Variants in PHF24 observed in about 807,000 individuals in gnomAD.
PHF24 encodes PHD finger protein 24, also known as Galpha inhibitory interacting protein.
A neutral mutation model predicts 42.6 loss-of-function variants in PHF24; 25 were observed. The observed-to-expected ratio is 0.59, with a 90% CI of 0.43 to 0.82. The LOEUF is 0.82. Ranked by LOEUF, PHF24 falls within the 40% of genes least tolerant of loss-of-function variation. PHF24 has a pLI of 0.00. For missense variants in PHF24, 470 were observed against 538.1 expected, an observed-to-expected ratio of 0.87 and a Z score of 1.25; for synonymous variants, 185 against 204.8, an observed-to-expected ratio of 0.90 and a Z score of 0.83.
chr9:34,792,679 A>G, the PHF24 span, among the ~76,000 whole-genome samples: 1 of 35,448 alleles, frequency 2.8e-5, no homozygotes, highest in Non-Finnish European at 1.0e-4. Flanking sequence ...CATCTCAGGA[A>G]AAAAAAAAAA....
chr9:34,715,660 C>G, the PHF24 span, among the ~76,000 whole-genome samples: 6 of 152,324 alleles, frequency 3.9e-5, no homozygotes, highest in African/African-American at 1.2e-4. Context: ...GAGTGCTTCA[C>G]TGGTACCTGG....
chr9:34,933,144 C>T, the PHF24 span, among the ~76,000 whole-genome samples: 1 of 152,048 alleles, frequency 6.6e-6, no homozygotes, highest in African/African-American at 2.4e-5. Context: ...TTTATATTCA[C>T]CACTATTTCC....
chr9:34,857,623 C>T, the PHF24 span, among the ~76,000 whole-genome samples: 807 of 152,244 alleles, frequency 5.3e-3, 1 homozygote, highest in Non-Finnish European at 7.4e-3. Flanking sequence ...GGGGTTGAGC[C>T]GCCTGCCTAG....
At chr9:34,847,445 G>A in the PHF24 span, among the ~76,000 whole-genome samples, 1 of 151,984 alleles carries the variant, frequency 6.6e-6, no homozygotes, top group Non-Finnish European at 1.5e-5. Context: ...TTTGTACATT[G>A]ATTTTGTATC....
chr9:34,726,393 G>A, the PHF24 span: 1 of 1,548,244 alleles, frequency 6.5e-7, no homozygotes, highest in East Asian at 2.4e-5. Context: ...AATGGCAGGT[G>A]GGCAGGGAGG....
the PHF24 span, among the ~76,000 whole-genome samples, chr9:34,840,873 ATATATAAG>A: frequency 1.3e-5 from 2 of 152,322 alleles, no homozygotes; most frequent in African/African-American, 4.8e-5. Context: ...CTTTGCATAA[ATATATAAG>A]TATATATGTA....
At chr9:34,953,911 G>A (rs1037194044), upstream of PHF24, among the ~76,000 whole-genome samples, 45 of 152,234 alleles carry the variant, frequency 3.0e-4, no homozygotes, top group African/African-American at 1.1e-3. This position sits in a 1 kb window ranked among gnomAD's most constrained non-coding sequence, Gnocchi z 4.1. Flanking sequence ...ACTCCAGCCT[G>A]GACAACAGAG....
At chr9:34,892,853 G>T in the PHF24 span, 1 of 698,128 alleles carries the variant, frequency 1.4e-6, no homozygotes, top group South Asian at 1.5e-5. Flanking sequence ...CCGGGCAGCT[G>T]ACTGGGTTAA....
At chr9:34,683,306 C>G in the PHF24 span, among the ~76,000 whole-genome samples, 3 of 152,248 alleles carry the variant, frequency 2.0e-5, no homozygotes, top group Non-Finnish European at 4.4e-5. Context: ...GGTGATCCAC[C>G]CGCCTTGGCC....
chr9:34,673,724 C>A, the PHF24 span, among the ~76,000 whole-genome samples: 2 of 151,890 alleles, frequency 1.3e-5, no homozygotes, highest in Non-Finnish European at 2.9e-5. Context: ...CAGGTTCACG[C>A]CATTCTCCTG....
At chr9:34,671,807 T>TCATC in the PHF24 span, among the ~76,000 whole-genome samples, 25,886 of 149,846 alleles carry the variant, frequency 0.17, 2,353 homozygotes, top group African/African-American at 0.22. Flanking sequence ...TTTTTCTGCC[T>TCATC]CATCCATCCA....
chr9:34,840,863 C>A, the PHF24 span, among the ~76,000 whole-genome samples: 1 of 151,970 alleles, frequency 6.6e-6, no homozygotes, highest in African/African-American at 2.4e-5. Context: ...TAATATAAAT[C>A]TTTGCATAAA....
the PHF24 span, among the ~76,000 whole-genome samples, chr9:34,814,539 T>C: frequency 6.6e-6 from 1 of 152,138 alleles, no homozygotes. Flanking sequence ...CAGGCATCTA[T>C]CATAGATGCT....
At chr9:34,876,732 G>A in the PHF24 span, among the ~76,000 whole-genome samples, 418 of 152,266 alleles carry the variant, frequency 2.7e-3, 1 homozygote, top group African/African-American at 9.3e-3. Context: ...GTGCATTGCT[G>A]GTGGGAATGT....
chr9:34,819,081 A>C, the PHF24 span, among the ~76,000 whole-genome samples: 1 of 152,168 alleles, frequency 6.6e-6, no homozygotes. Context: ...ATTTGTTGGC[A>C]TAAAGTTATT....
the PHF24 span, among the ~76,000 whole-genome samples, chr9:34,839,646 T>C: frequency 1.3e-5 from 2 of 152,182 alleles, no homozygotes; most frequent in Non-Finnish European, 2.9e-5. Context: ...ATCCTTTACC[T>C]CACTGGCATG....
the PHF24 span, among the ~76,000 whole-genome samples, chr9:34,812,750 A>G: frequency 6.6e-6 from 1 of 152,200 alleles, no homozygotes; most frequent in South Asian, 2.1e-4. Flanking sequence ...TGCTTTCCCC[A>G]GTCATCTTTA....
chr9:34,812,318 T>C, the PHF24 span, among the ~76,000 whole-genome samples: 1 of 152,126 alleles, frequency 6.6e-6, no homozygotes, highest in Non-Finnish European at 1.5e-5. Context: ...TGTGGAGAAA[T>C]TGGAACCCTG....
At chr9:34,932,685 CT>C in the PHF24 span, among the ~76,000 whole-genome samples, 1 of 151,748 alleles carries the variant, frequency 6.6e-6, no homozygotes, top group Non-Finnish European at 1.5e-5. Context: ...GTATAATAGT[CT>C]TTTCCTTAAA....
Sources: allele counts gnomAD v4.1 joint callset (sites outside exome capture counted in the v4.1 genomes callset), GRCh38; gene constraint gnomAD v4.1.1; non-coding constraint Gnocchi (gnomAD v3.1); transcripts MANE v1.5; gene names NCBI Gene and HGNC (gene_info 2026-07-23, HGNC 2026-07-21).